The following USP10 variants were observed in gnomAD, a reference collection of about 807,000 sequenced individuals.
USP10 encodes the protein ubiquitin specific peptidase 10.
Under a neutral mutation model 84.5 loss-of-function variants are expected in USP10, and 22 were observed. That is an observed-to-expected ratio of 0.26 (90% CI 0.19 to 0.37). The LOEUF (loss-of-function observed/expected upper bound fraction) is 0.37. Ranked by LOEUF, USP10 falls within the 10% of genes least tolerant of loss-of-function variation. USP10 has a pLI of 1.00. For synonymous variants in USP10, 454 were observed against 387.6 expected (o/e 1.17, Z -2.01); for missense variants, 1,019 against 998.9 (o/e 1.02, Z -0.27).
At chr16:84,775,970 CAT>C (rs752061758) in intron 13 of USP10, among the ~76,000 whole-genome samples, 6 of 152,242 alleles carry the variant, frequency 3.9e-5, no homozygotes, top group Non-Finnish European at 7.4e-5. Flanking sequence ...GTTTTTACTA[CAT>C]GTTTCTAGCT....
chr16:84,763,979 C>G lies in USP10; in HGVS notation c.1655-107C>G, dbSNP rs1285998844. On this transcript the variant is annotated intron_variant, in intron 9 of 13. Coordinates refer to ENST00000219473, the MANE Select transcript of USP10 (RefSeq NM_005153.3). The stretch of plus-strand genomic sequence containing the variant: ...TGGTTGCCGTGGCTCCTAATGTAGA[C>G]CACACCCTGATTTCATTTTTAAAAC... The G allele has an allele frequency of 1.0e-5, 14 of 1,393,746 alleles. No individual in the cohort carries two copies. The East Asian group carries it at 3.5e-4, about 35-fold the overall frequency. 86.3% of individuals were successfully genotyped at this position (1,393,746 alleles called of 1,614,324 possible). A position where few individuals can be genotyped will look rare whatever the true frequency, so the allele number is the denominator to read the frequency against.
In USP10 at chr16:84,768,353, C is replaced by G. The variant is rs1036444754; in HGVS notation, c.1993C>G (p.Gln665Glu). 1 of 1,599,596 alleles carries G rather than the reference C, an allele frequency of 6.3e-7. No homozygotes were observed. The highest frequency in any genetic ancestry group is 8.5e-7 in the Non-Finnish European group (1 of 1,171,856). The change falls in exon 11 of 14, where the codon CAA becomes GAA. Residue 665 changes from glutamine to glutamate, a missense_variant. Gln to Glu is a conservative substitution (Grantham distance 29). Coordinates refer to ENST00000219473, the MANE Select transcript of USP10 (RefSeq NM_005153.3). ...CCAAGGTTATACCACAAAAACCAAACAAGAGGTATGTTCACACTTGATTTT... is the reference window on the plus strand; with the variant it reads ...CCAAGGTTATACCACAAAAACCAAAGAAGAGGTATGTTCACACTTGATTTT... ...SVQGYTTKTKQEVEISRRVTL... is the reference protein window; with the variant it reads ...SVQGYTTKTKEEVEISRRVTL...
At position 84,701,179 on chromosome 16, in the gene USP10, C is replaced by G. The variant is rs1249803602; in HGVS notation, c.21+1068C>G. Among the ~76,000 whole-genome samples the G allele has an allele frequency of 2.0e-5, 3 of 152,168 alleles. No homozygotes were observed. In the East Asian group the frequency reaches 5.8e-4, roughly 29 times the overall value. On this transcript the variant is annotated intron_variant, in intron 1 of 13. Transcript: ENST00000219473. ...GCAGATGAAGTCAATCTGACTACACCTCTTTTGAAACATGATTTTCGGAAC... is the reference window on the plus strand; with the variant it reads ...GCAGATGAAGTCAATCTGACTACACGTCTTTTGAAACATGATTTTCGGAAC...
At chr16:84,750,313 CAGG>C (rs1911768826) in intron 4 of USP10, among the ~76,000 whole-genome samples, 1 of 149,652 alleles carries the variant, frequency 6.7e-6, no homozygotes, top group African/African-American at 2.5e-5. Context: ...GAGGCTGTGT[CAGG>C]AGAATAGCTT....
intron 10 of USP10, among the ~76,000 whole-genome samples, chr16:84,767,799 T>C (rs543464873): frequency 3.4e-4 from 51 of 152,230 alleles, no homozygotes; most frequent in African/African-American, 1.2e-3. Flanking sequence ...TATTTTTTTA[T>C]TGATAATTCT....
At chr16:84,758,114 G>C (rs1464786674) in intron 4 of USP10, among the ~76,000 whole-genome samples, 1 of 152,214 alleles carries the variant, frequency 6.6e-6, no homozygotes, top group Non-Finnish European at 1.5e-5. Context: ...TTTGTAAATG[G>C]AATAAGGGAA....
At chr16:84,703,165 T>G (rs894042967) in intron 1 of USP10, among the ~76,000 whole-genome samples, 1 of 152,160 alleles carries the variant, frequency 6.6e-6, no homozygotes, top group Non-Finnish European at 1.5e-5. Context: ...ACTCAGCATT[T>G]TAGCAAAGAC....
chr16:84,777,202 G>T (rs1567658247), intron 13 of USP10, among the ~76,000 whole-genome samples: 1 of 152,130 alleles, frequency 6.6e-6, no homozygotes, highest in African/African-American at 2.4e-5. Flanking sequence ...TTGCAGGTGT[G>T]AGTGACACAC....
chr16:84,754,572 A>G (rs946301183), intron 4 of USP10, among the ~76,000 whole-genome samples: 1 of 152,160 alleles, frequency 6.6e-6, no homozygotes, highest in Non-Finnish European at 1.5e-5. Flanking sequence ...GGGTGGTGCT[A>G]GAAGACTTGA....
chr16:84,778,888 C>G lies in USP10; in HGVS notation c.2210-7C>G. On this transcript the variant is annotated splice_region_variant and splice_polypyrimidine_tract_variant and intron_variant, in intron 13 of 13. Coordinates refer to ENST00000219473, the MANE Select transcript of USP10 (RefSeq NM_005153.3). ...CTCACTCTGCTGCCTGCTGGGCTCT[C>G]TTCCAGTGGTCTACCATCACGGCAA... 6.2e-7 allele frequency: 1 copy of G among 1,611,776 alleles called. No individual in the cohort carries two copies. The highest frequency in any genetic ancestry group is 2.2e-5 in the East Asian group (1 of 44,828).
chr16:84,776,770 TG>T (rs913392155), intron 13 of USP10, among the ~76,000 whole-genome samples: 20 of 152,320 alleles, frequency 1.3e-4, no homozygotes, highest in Non-Finnish European at 2.1e-4. Flanking sequence ...CCCCGGGACC[TG>T]GGCCTGGGTT....
In USP10 at chr16:84,740,304, T is replaced by C. The variant is rs757094866; in HGVS notation, c.91-5T>C. On this transcript the variant is annotated splice_region_variant and splice_polypyrimidine_tract_variant and intron_variant, in intron 2 of 13. Transcript: ENST00000219473. ...TTAAAATTTGTTTTCTGATTCCTTG[T>C]GCAGCTTCCTCCATACAGTGGAACA... 6.2e-7 allele frequency: 1 copy of C among 1,607,782 alleles called. No individual in the cohort carries two copies. Among genetic ancestry groups the C allele is most frequent in the Non-Finnish European group, 8.5e-7 (1 of 1,177,080 alleles).
chr16:84,744,700 A>G lies in USP10; in HGVS notation c.219A>G (p.Arg73=). 2 of 1,613,700 alleles carry G rather than the reference A, an allele frequency of 1.2e-6. No homozygotes were observed. The highest frequency in any genetic ancestry group is 1.7e-6 in the Non-Finnish European group (2 of 1,179,696). ...TTGAACCCAGTGACACTTTGCCGAG[A>G]ACCCCCAGCTACAGTATTTCAAGCA... ...EVIEPSDTLP[R]TPSYSISSTL... The change falls in exon 4 of 14, where the codon AGA becomes AGG. Residue 73 remains arginine (R), a synonymous_variant. Transcript: ENST00000219473.
intron 1 of USP10, among the ~76,000 whole-genome samples, chr16:84,712,522 C>A (rs1000141000): frequency 6.6e-6 from 1 of 152,182 alleles, no homozygotes; most frequent in Non-Finnish European, 1.5e-5. Context: ...AGCTGGTTGT[C>A]ATTCACTGTT....
At position 84,740,345 on chromosome 16, in the gene USP10, C is replaced by T; in HGVS notation, c.127C>T (p.Gln43Ter). 6.2e-7 allele frequency: 1 copy of T among 1,613,078 alleles called. No individual in the cohort carries two copies. The highest frequency in any genetic ancestry group is 8.5e-7 in the Non-Finnish European group (1 of 1,179,340). Residue 43 changes from glutamine to a stop codon, truncating the protein, a stop_gained, in exon 3 of 14, where the codon CAG becomes TAG. Transcript: ENST00000219473. LOFTEE classifies it high-confidence loss of function. ...CAGTGGAACAGTTCTGTGTGGCACA[C>T]AGGCTGTGGATAAACTACCTGATGG... is the stretch of plus-strand genomic sequence containing the variant. ...PYSGTVLCGTQAVDKLPDGQE... is the reference protein window; with the variant it reads ...PYSGTVLCGT
rs902497179 is a variant in USP10 at position 84,770,905 on chromosome 16, A to C, written c.1999-1636A>C. 2.6e-5 allele frequency among the ~76,000 whole-genome samples: 4 copies of C among 152,288 alleles called. No individual in the cohort carries two copies. In the South Asian group the frequency reaches 8.3e-4, roughly 32 times the overall value. ...ACATGTTGAAACCCCATCTCTACTA[A>C]AAATACAAAAATTAACTGGGCATGG... On this transcript the variant is annotated intron_variant, in intron 11 of 13. Coordinates refer to ENST00000219473, the MANE Select transcript of USP10 (RefSeq NM_005153.3).
intron 3 of USP10, among the ~76,000 whole-genome samples, chr16:84,741,661 C>G (rs1279603960): frequency 6.6e-6 from 1 of 152,220 alleles, no homozygotes; most frequent in Admixed American, 6.5e-5. Context: ...TCTGTTCCCT[C>G]TAAGTCCTGC....
intron 1 of USP10, among the ~76,000 whole-genome samples, chr16:84,728,484 C>A (rs1908803994): frequency 6.6e-6 from 1 of 152,006 alleles, no homozygotes; most frequent in African/African-American, 2.4e-5. Context: ...GGACTACAAG[C>A]ATGTGCCACC....
intron 1 of USP10, among the ~76,000 whole-genome samples, chr16:84,722,695 G>A (rs1907967649): frequency 6.6e-6 from 1 of 152,046 alleles, no homozygotes; most frequent in African/African-American, 2.4e-5. Context: ...GAGTAGCTGG[G>A]ATTACAGGCA....
Sources: gnomAD v4.1 joint callset for allele counts (sites outside exome capture counted in the v4.1 genomes callset) on GRCh38, gnomAD v4.1.1 for gene constraint, MANE v1.5 for transcripts, NCBI Gene and HGNC (gene_info 2026-07-23, HGNC 2026-07-21) for gene names.